The following ASMTL variants were observed in gnomAD, a reference collection of about 807,000 sequenced individuals.
The protein encoded by ASMTL is probable bifunctional dTTP/UTP pyrophosphatase/methyltransferase protein.
In ASMTL, 57 loss-of-function variants were observed where a neutral mutation model predicts 60.3. The observed-to-expected ratio is 0.95, with a 90% confidence interval of 0.76 to 1.18. The LOEUF is 1.18. Ranked by LOEUF, ASMTL falls within the 50% of genes most tolerant of loss-of-function variation. The probability of loss-of-function intolerance (pLI) is 0.00; values close to 1 mark genes in which losing one functional copy is unlikely to be tolerated. For synonymous variants in ASMTL, 419 were observed against 373.0 expected, an observed-to-expected ratio of 1.12 and a Z score of -1.42; for missense variants, 981 against 852.6, an observed-to-expected ratio of 1.15 and a Z score of -1.88.
In ASMTL at chrX:1,405,983, A is replaced by G. The variant is rs185695022; in HGVS notation, c.1646-2494T>C. ...TAGATGATGGGTACGTAGATAGATG[A>G]ATGGATGGATAGATGGATGTATGGA... On this transcript the variant is annotated intron_variant, in intron 12 of 12. Transcript: ENST00000381317. Among the ~76,000 whole-genome samples the G allele has an allele frequency of 5.0e-3, 701 of 140,438 alleles. 6 individuals are homozygous for G. The highest frequency in any genetic ancestry group is 0.018 in the African/African-American group (666 of 37,456). 92.1% of individuals were successfully genotyped at this position (140,438 alleles called of 152,430 possible). A position where few individuals can be genotyped will look rare whatever the true frequency, so the allele number is the denominator to read the frequency against.
chrX:1,403,763 A>G (rs1353181259), intron 12 of ASMTL, among the ~76,000 whole-genome samples: 1 of 152,080 alleles, frequency 6.6e-6, no homozygotes, highest in Non-Finnish European at 1.5e-5. Flanking sequence ...GCATGGATGA[A>G]CAGATGGTAG....
Position 1,431,140 on chromosome X carries a change from A to G in ASMTL, c.509+1129T>C, listed in dbSNP as rs868548120. 4.6e-3 allele frequency among the ~76,000 whole-genome samples: 582 copies of G among 127,742 alleles called. 7 individuals are homozygous for G. The highest frequency in any genetic ancestry group is 0.017 in the African/African-American group (548 of 32,612). 83.8% of individuals were successfully genotyped at this position (127,742 alleles called of 152,430 possible). ...TAATATATAATCATTTTATAATTATATATATAATTATATATAATTTATATT... is the reference window on the plus strand; with the variant it reads ...TAATATATAATCATTTTATAATTATGTATATAATTATATATAATTTATATT... On this transcript the variant is annotated intron_variant, in intron 6 of 12. Coordinates refer to ENST00000381317, the MANE Select transcript of ASMTL (RefSeq NM_004192.4).
At chrX:1,417,337 CCA>C (rs1470837528) in intron 11 of ASMTL, among the ~76,000 whole-genome samples, 1 of 150,724 alleles carries the variant, frequency 6.6e-6, no homozygotes, top group African/African-American at 2.4e-5. Context: ...ACACATATAT[CCA>C]CACGGATGCA....
At chrX:1,414,836 C>T (rs1362894808) in intron 11 of ASMTL, among the ~76,000 whole-genome samples, 1 of 152,186 alleles carries the variant, frequency 6.6e-6, no homozygotes, top group Non-Finnish European at 1.5e-5. Context: ...GAAAAGCATC[C>T]AGGAACCTCT....
intron 1 of ASMTL, among the ~76,000 whole-genome samples, chrX:1,451,454 T>C (rs1286362370): frequency 1.5e-4 from 13 of 84,330 alleles, no homozygotes; most frequent in South Asian, 4.8e-4. Context: ...CTCCCCTCCC[T>C]CATCCTTTTG....
At position 1,419,105 on chromosome X, in the gene ASMTL, A is replaced by G. The variant is rs1181777585; in HGVS notation, c.1255T>C (p.Tyr419His). The change falls in exon 10 of 13, where the codon TAC (tyrosine) becomes CAC (histidine). Residue 419 changes from tyrosine (Y) to histidine (H), a missense_variant. Physicochemically the swap from Tyr to His is moderately conservative, Grantham distance 83 (BLOSUM62 2). Coordinates refer to ENST00000381317, the MANE Select transcript of ASMTL (RefSeq NM_004192.4). The stretch of plus-strand genomic sequence containing the variant: ...CTCAGCCGCGTCTCCGGGCTCTGGT[A>G]GTACGCATCCTGGAACACAGCAGGT... Reference protein sequence around the residue: ...KAEDLFQDAYYQSPETRLRFM... With the variant: ...KAEDLFQDAYHQSPETRLRFM... 7 of 1,611,130 alleles carry G rather than the reference A, an allele frequency of 4.3e-6. No individual in the cohort carries two copies. The Admixed American group carries it at 5.0e-5, about 12-fold the overall frequency.
At chrX:1,452,957 C>A (rs1448780813), upstream of ASMTL, 4 of 764,194 alleles carry the variant, frequency 5.2e-6, no homozygotes, top group East Asian at 9.6e-5. Flanking sequence ...GCCACGCCCC[C>A]GCCCGCCTCC....
At chrX:1,420,762 AG>A (rs1315370089) in intron 9 of ASMTL, among the ~76,000 whole-genome samples, 45 of 152,296 alleles carry the variant, frequency 3.0e-4, no homozygotes, top group Middle Eastern at 3.4e-3. Context: ...AAGAAGAAAC[AG>A]GGCATTCATT....
At position 1,451,252 on chromosome X, in the gene ASMTL, C is replaced by T. The variant is rs375695668; in HGVS notation, c.93+1496G>A. ...ACTCTCCCCAACCCCATGCCTAGGGCGTCCTGGGTTACTCTCCCCACCCCC... is the reference window on the plus strand; with the variant it reads ...ACTCTCCCCAACCCCATGCCTAGGGTGTCCTGGGTTACTCTCCCCACCCCC... On this transcript the variant is annotated intron_variant, in intron 1 of 12. Transcript: ENST00000381317. Among the ~76,000 whole-genome samples the T allele has an allele frequency of 8.1e-5, 7 of 86,034 alleles. 1 individual carries two copies. Among genetic ancestry groups the T allele is most frequent in the African/African-American group, 2.7e-4 (6 of 22,276 alleles). 56.4% of individuals were successfully genotyped at this position (86,034 alleles called of 152,430 possible).
chrX:1,431,559 TATA>T lies in ASMTL; in HGVS notation c.509+707_509+709del, dbSNP rs754945183. On this transcript the variant is annotated intron_variant, in intron 6 of 12. Transcript: ENST00000381317. ...AAAAGTGTTAATATATAATCTATAT[TATA>T]ATATCTATATGTAATATAGTATACA... is the stretch of plus-strand genomic sequence containing the variant. 4.1e-3 allele frequency among the ~76,000 whole-genome samples: 586 copies of T among 144,190 alleles called. 6 individuals carry two copies. Among genetic ancestry groups the T allele is most frequent in the African/African-American group, 0.013 (528 of 39,826 alleles). The allele number at this position is 144,190 out of a possible 152,430, so 94.6% of individuals were successfully genotyped here. A position where few individuals can be genotyped will look rare whatever the true frequency, so the allele number is the denominator to read the frequency against.
intron 1 of ASMTL, among the ~76,000 whole-genome samples, chrX:1,448,472 C>T (rs1270958096): frequency 6.6e-6 from 1 of 151,262 alleles, no homozygotes; most frequent in Non-Finnish European, 1.5e-5. Context: ...GGACACACAA[C>T]ATCTTGGACA....
At chrX:1,415,064 CT>C (rs111631322) in intron 11 of ASMTL, among the ~76,000 whole-genome samples, 140,638 of 151,548 alleles carry the variant, frequency 0.93, 65,935 homozygotes, top group East Asian at 1. Context: ...CCTCAGCCTC[CT>C]GAATAGGTGG....
chrX:1,432,289 G>GTA lies in ASMTL; in HGVS notation c.487_488dup (p.Val164ThrfsTer32), dbSNP rs1244362239. The GTA allele has an allele frequency of 3.1e-6, 5 of 1,611,896 alleles. No individual in the cohort carries two copies. The highest frequency in any genetic ancestry group is 1.3e-5 in the African/African-American group (1 of 74,790). On this transcript the variant is annotated frameshift_variant, in exon 6 of 13. Coordinates refer to ENST00000381317, the MANE Select transcript of ASMTL (RefSeq NM_004192.4). LOFTEE classifies it high-confidence loss of function. The stretch of plus-strand genomic sequence containing the variant: ...CTCACATGGGCTCCCCGCTGTGGAC[G>GTA]TATTCCCAGAGCAGCTCCTCGGACA...
intron 7 of ASMTL, among the ~76,000 whole-genome samples, chrX:1,427,002 A>AAAAC (rs770616154): frequency 0.64 from 94,761 of 148,170 alleles, 31,277 homozygotes; most frequent in East Asian, 0.83. Context: ...AACAAAAACA[A>AAAAC]AAAAAAGAGA....
chrX:1,425,685 G>T lies in ASMTL; in HGVS notation c.900C>A (p.Gly300=), dbSNP rs192057193. ...ELIEGFMLSK[G]LLTACKLKVF... ...CCTTCAGTTTGCAAGCGGTGAGCAG[G>T]CCCTGTTAAAAGCAAGTGCAGAGAG... The change falls in exon 8 of 13, where the codon GGC becomes GGA. Residue 300 remains glycine, a splice_region_variant and synonymous_variant. Transcript: ENST00000381317. 1.8e-5 allele frequency: 29 copies of T among 1,613,154 alleles called. No individual in the cohort carries two copies. Among genetic ancestry groups the T allele is most frequent in the Admixed American group, 8.3e-5 (5 of 59,960 alleles).
At chrX:1,435,506 A>G (rs1241912027) in intron 4 of ASMTL, 188 bp downstream of exon 4, 2 of 657,720 alleles carry the variant, frequency 3.0e-6, no homozygotes, top group Non-Finnish European at 5.6e-6. Context: ...GCAGAATCCT[A>G]GACAAGGATG....
intron 12 of ASMTL, among the ~76,000 whole-genome samples, chrX:1,405,785 T>C (rs1187324181): frequency 6.6e-6 from 1 of 151,120 alleles, no homozygotes; most frequent in Non-Finnish European, 1.5e-5. Flanking sequence ...GGAAGATGAA[T>C]AGATGGATGC....
intron 3 of ASMTL, among the ~76,000 whole-genome samples, chrX:1,438,672 G>A (rs1340779651): frequency 1.3e-5 from 2 of 152,138 alleles, no homozygotes; most frequent in Non-Finnish European, 2.9e-5. Flanking sequence ...TCTGTATTCT[G>A]TATCATTGAT....
At chrX:1,447,646 A>C (rs757711300) in intron 1 of ASMTL, among the ~76,000 whole-genome samples, 22 of 146,256 alleles carry the variant, frequency 1.5e-4, no homozygotes, top group African/African-American at 5.1e-4. Flanking sequence ...TCTTGGAGAC[A>C]CACCATCTTG....
Sources: allele counts gnomAD v4.1 joint callset (sites outside exome capture counted in the v4.1 genomes callset), GRCh38; gene constraint gnomAD v4.1.1; transcripts MANE v1.5; gene names NCBI Gene and HGNC (gene_info 2026-07-23, HGNC 2026-07-21).